FSTL4: variants seen among roughly 807,000 people sequenced by gnomAD.
FSTL4 encodes the protein follistatin like 4, also known as follistatin-related protein 4.
In FSTL4, 28 loss-of-function variants were observed where a neutral mutation model predicts 78.2. That is an observed-to-expected ratio of 0.36 (90% CI 0.27 to 0.49). FSTL4 has a LOEUF of 0.49. FSTL4 is among the 20% of genes least tolerant of loss of function. FSTL4 has a pLI of 0.98. For missense variants in FSTL4, 922 were observed against 1,084.9 expected (o/e 0.85, Z 2.11); for synonymous variants, 422 against 440.5 (o/e 0.96, Z 0.53).
At chr5:133,314,390 T>A (rs1753854785) in intron 5 of FSTL4, among the ~76,000 whole-genome samples, 1 of 152,210 alleles carries the variant, frequency 6.6e-6, no homozygotes, top group Non-Finnish European at 1.5e-5. Context: ...TGAATGGGCT[T>A]GCGCGAGCCA....
chr5:133,682,579 C>T, the FSTL4 span, among the ~76,000 whole-genome samples: 1 of 152,236 alleles, frequency 6.6e-6, no homozygotes, highest in Non-Finnish European at 1.5e-5. Context: ...TAGCAAGGGG[C>T]TGCCCTGGAG....
chr5:133,804,942 CAAAAAAAAAA>C, the FSTL4 span, among the ~76,000 whole-genome samples: 3 of 94,518 alleles, frequency 3.2e-5, no homozygotes, highest in South Asian at 4.1e-4. Flanking sequence ...GACTCCGTCT[CAAAAAAAAAA>C]AAAAAAAAAA....
intron 4 of FSTL4, among the ~76,000 whole-genome samples, chr5:133,353,553 A>AAAATG (rs1312420710): frequency 1.3e-5 from 2 of 152,194 alleles, no homozygotes; most frequent in African/African-American, 4.8e-5. Context: ...ACTAGGAGTG[A>AAAATG]AAATGAGGGA....
chr5:133,249,281 G>A (rs1338900930), intron 7 of FSTL4, 129 bp downstream of exon 7: 1 of 725,206 alleles, frequency 1.4e-6, no homozygotes, highest in East Asian at 2.6e-5. Context: ...CTGACAACAG[G>A]CTAGAAAAGC....
the FSTL4 span, among the ~76,000 whole-genome samples, chr5:133,693,474 A>T: frequency 1.3e-5 from 2 of 152,128 alleles, no homozygotes; most frequent in African/African-American, 2.4e-5. Context: ...AGAGGGAAGG[A>T]GCGATTCTGA....
intron 3 of FSTL4, among the ~76,000 whole-genome samples, chr5:133,460,008 T>C (rs1283689900): frequency 6.6e-6 from 1 of 152,164 alleles, no homozygotes; most frequent in Non-Finnish European, 1.5e-5. Context: ...ATCCTCCCCA[T>C]AGGGTGTACG....
At chr5:133,284,832 T>C (rs984709345) in intron 6 of FSTL4, among the ~76,000 whole-genome samples, 1 of 152,204 alleles carries the variant, frequency 6.6e-6, no homozygotes, top group African/African-American at 2.4e-5. Flanking sequence ...CTTAACATAT[T>C]AGCTTTTTGC....
chr5:133,475,556 C>T (rs943269133), intron 3 of FSTL4, among the ~76,000 whole-genome samples: 7 of 152,340 alleles, frequency 4.6e-5, no homozygotes, highest in African/African-American at 1.7e-4. Flanking sequence ...AGCCCTGCTA[C>T]TCTCTTCTCT....
intron 6 of FSTL4, among the ~76,000 whole-genome samples, chr5:133,281,102 G>A (rs1561655293): frequency 6.6e-6 from 1 of 152,150 alleles, no homozygotes; most frequent in Non-Finnish European, 1.5e-5. Flanking sequence ...CTGCACACCG[G>A]TCCCTGTGTC....
intron 2 of FSTL4, among the ~76,000 whole-genome samples, chr5:133,596,713 T>C (rs1760744095): frequency 1.3e-5 from 2 of 152,048 alleles, no homozygotes. Context: ...CAGAGTCTCC[T>C]AACCAAAGCA....
intron 13 of FSTL4, among the ~76,000 whole-genome samples, chr5:133,215,954 T>A (rs1188101742): frequency 1.3e-5 from 2 of 152,204 alleles, no homozygotes; most frequent in African/African-American, 4.8e-5. Context: ...TCCAGGATAA[T>A]CTCATTTAAA....
At chr5:133,732,570 A>G in the FSTL4 span, among the ~76,000 whole-genome samples, 1 of 152,126 alleles carries the variant, frequency 6.6e-6, no homozygotes, top group South Asian at 2.1e-4. Context: ...AGCGAAAACT[A>G]CCATCTCACC....
the FSTL4 span, among the ~76,000 whole-genome samples, chr5:133,641,797 C>T: frequency 6.6e-6 from 1 of 152,128 alleles, no homozygotes; most frequent in Non-Finnish European, 1.5e-5. Flanking sequence ...GACTATTCTT[C>T]TTTTTCTCCT....
chr5:133,648,707 G>A, the FSTL4 span, among the ~76,000 whole-genome samples: 1 of 152,138 alleles, frequency 6.6e-6, no homozygotes, highest in African/African-American at 2.4e-5. Flanking sequence ...TTTAAAAAAT[G>A]GACGACTTTT....
the FSTL4 span, among the ~76,000 whole-genome samples, chr5:133,794,212 G>T: frequency 9.9e-5 from 15 of 152,228 alleles, no homozygotes. Flanking sequence ...AAGAGAGAGG[G>T]CCAGGATAGC....
chr5:133,313,245 C>T (rs1753830962), intron 5 of FSTL4, among the ~76,000 whole-genome samples: 1 of 152,200 alleles, frequency 6.6e-6, no homozygotes, highest in Non-Finnish European at 1.5e-5. Flanking sequence ...ATGCACCCAC[C>T]CATCAGCCCT....
the FSTL4 span, among the ~76,000 whole-genome samples, chr5:133,784,640 G>T: frequency 7.9e-5 from 12 of 152,152 alleles, 1 homozygote; most frequent in African/African-American, 2.9e-4. Flanking sequence ...GGAGTAAGTT[G>T]CATCCCGGCT....
At chr5:133,805,179 T>G in the FSTL4 span, among the ~76,000 whole-genome samples, 1 of 151,824 alleles carries the variant, frequency 6.6e-6, no homozygotes, top group East Asian at 1.9e-4. Flanking sequence ...ATTTCCCCAT[T>G]GAGCTTGAGA....
the FSTL4 span, among the ~76,000 whole-genome samples, chr5:133,790,342 C>T: frequency 6.6e-6 from 1 of 152,126 alleles, no homozygotes; most frequent in East Asian, 1.9e-4. Context: ...TTCTCATCTA[C>T]AACATGGGGA....
Sources: gnomAD v4.1 joint callset for allele counts (sites outside exome capture counted in the v4.1 genomes callset) on GRCh38, gnomAD v4.1.1 for gene constraint, MANE v1.5 for transcripts, NCBI Gene and HGNC (gene_info 2026-07-23, HGNC 2026-07-21) for gene names.